The following PREX1 variants were observed in gnomAD, a reference collection of about 807,000 sequenced individuals.
PREX1 encodes phosphatidylinositol-3,4,5-trisphosphate dependent Rac exchange factor 1.
In PREX1, 41 loss-of-function variants were observed where a neutral mutation model predicts 198.3. The ratio of observed to expected loss-of-function variants is 0.21; its 90% CI spans 0.16 to 0.27. The LOEUF (loss-of-function observed/expected upper bound fraction) is 0.27. Ranked by LOEUF, PREX1 falls within the 10% of genes least tolerant of loss-of-function variation. The pLI, the probability that PREX1 is intolerant of heterozygous loss-of-function variation, is 1.00. For missense variants in PREX1, 1,620 were observed against 2,200.7 expected (o/e 0.74, Z 5.28); for synonymous variants, 843 against 887.2 (o/e 0.95, Z 0.89).
intron 1 of PREX1, among the ~76,000 whole-genome samples, chr20:48,762,301 G>A (rs2122844764): frequency 6.6e-6 from 1 of 152,270 alleles, no homozygotes; most frequent in African/African-American, 2.4e-5. Flanking sequence ...TCATCAGAGT[G>A]GGATTCTAGC....
At chr20:48,689,143 G>A (rs2089802918) in intron 9 of PREX1, among the ~76,000 whole-genome samples, 2 of 152,158 alleles carry the variant, frequency 1.3e-5, no homozygotes, top group South Asian at 4.1e-4. Flanking sequence ...CCCAACCTGA[G>A]GGTGGGTTTC....
At chr20:48,673,516 T>C (rs575416515) in intron 14 of PREX1, among the ~76,000 whole-genome samples, 2 of 152,270 alleles carry the variant, frequency 1.3e-5, no homozygotes, top group East Asian at 3.9e-4. Context: ...TTGGGAAATA[T>C]GAGGCCCCAG....
intron 1 of PREX1, among the ~76,000 whole-genome samples, chr20:48,759,883 T>C (rs2869672): frequency 0.41 from 62,468 of 151,884 alleles, 13,349 homozygotes; most frequent in Admixed American, 0.46. Context: ...GGCAGGCTGA[T>C]TGCTTGAACC....
upstream of PREX1, among the ~76,000 whole-genome samples, chr20:48,830,711 C>T (rs535404163): frequency 6.6e-5 from 10 of 152,216 alleles, no homozygotes; most frequent in Non-Finnish European, 1.5e-4. Context: ...GTAATGATGA[C>T]ACTAAAAGAT....
the PREX1 span, among the ~76,000 whole-genome samples, chr20:48,838,610 G>A: frequency 6.6e-6 from 1 of 152,146 alleles, no homozygotes; most frequent in African/African-American, 2.4e-5. Context: ...ATGATACATA[G>A]ATGAATGGGG....
At chr20:48,723,975 C>A (rs1358604758) in intron 5 of PREX1, among the ~76,000 whole-genome samples, 1 of 152,178 alleles carries the variant, frequency 6.6e-6, no homozygotes, top group African/African-American at 2.4e-5. Context: ...GCCATGGCTG[C>A]TGGTTCTTCT....
the PREX1 span, among the ~76,000 whole-genome samples, chr20:48,865,865 C>A: frequency 6.6e-6 from 1 of 152,150 alleles, no homozygotes; most frequent in Admixed American, 6.5e-5. Flanking sequence ...GGATAATGGG[C>A]TATTACCTCT....
In PREX1 at chr20:48,658,159, C is replaced by T. The variant is rs146847114; in HGVS notation, c.1951G>A (p.Val651Ile). The T allele has an allele frequency of 5.6e-5, 91 of 1,614,116 alleles. 1 individual carries two copies. The African/African-American group carries it at 8.7e-4, about 15-fold the overall frequency. ...ACCTCAGCCAGCGAGCCCCTCTGGA[C>T]GGACTTCACCACCACAGCCTTGTTC... The part of the protein sequence containing the change: ...EKNKAVVVKS[V>I]QRGSLAEVAG... The change falls in exon 17 of 40, where the codon GTC becomes ATC. Residue 651 changes from valine to isoleucine, a missense_variant. This residue lies in a region of PREX1 where 488 missense variants were observed against 802.5 expected (regional missense o/e 0.61). Transcript: ENST00000371941.
At chr20:48,838,311 C>CA in the PREX1 span, among the ~76,000 whole-genome samples, 2 of 152,168 alleles carry the variant, frequency 1.3e-5, no homozygotes, top group African/African-American at 4.8e-5. Context: ...TTTAAAGATG[C>CA]ATCAAAAACC....
chr20:48,764,781 CAAA>C (rs1182093484), intron 1 of PREX1, among the ~76,000 whole-genome samples: 4 of 81,150 alleles, frequency 4.9e-5, no homozygotes, highest in Admixed American at 1.4e-4. Context: ...GACTCTTTCT[CAAA>C]AAAAAAAAAA....
At chr20:48,646,675 C>CAAAAAAAAA (rs552888256) in intron 25 of PREX1, among the ~76,000 whole-genome samples, 1 of 82,556 alleles carries the variant, frequency 1.2e-5, no homozygotes, top group Non-Finnish European at 2.5e-5. Context: ...GAACCCATCT[C>CAAAAAAAAA]AAAAAAAAAA....
Position 48,827,613 on chromosome 20 carries a change from C to T in PREX1, c.219+29G>A. The T allele has an allele frequency of 8.0e-7, 1 of 1,252,080 alleles. No homozygotes were observed. Among genetic ancestry groups the T allele is most frequent in the Non-Finnish European group, 1.0e-6 (1 of 984,842 alleles). The allele number at this position is 1,252,080 out of a possible 1,614,324, so 77.6% of individuals were successfully genotyped here. On this transcript the variant is annotated intron_variant, in intron 1 of 39. Transcript: ENST00000371941. The surrounding 1 kb of genome is among the most constrained non-coding windows in gnomAD (Gnocchi z 4.1). ...GCGGGGCGAGCGGCTGGAGGGAAAG[C>T]TGTCCCCAAGCTCCCGAGCGACACT...
chr20:48,655,172 G>C, intron 19 of PREX1, 118 bp downstream of exon 19: 1 of 1,072,578 alleles, frequency 9.3e-7, no homozygotes, highest in South Asian at 1.6e-5. Context: ...AAGAAAATAA[G>C]TGCTGATGGT....
intron 14 of PREX1, among the ~76,000 whole-genome samples, chr20:48,671,606 TACCC>T (rs2089675771): frequency 6.6e-6 from 1 of 152,144 alleles, no homozygotes; most frequent in Non-Finnish European, 1.5e-5. Flanking sequence ...GTCCAAAAAA[TACCC>T]TCCCGCCCTA....
chr20:48,779,081 G>A (rs866013608), intron 1 of PREX1, among the ~76,000 whole-genome samples: 2 of 152,210 alleles, frequency 1.3e-5, no homozygotes, highest in Middle Eastern at 3.4e-3. Flanking sequence ...GCTACAGATG[G>A]GGAGAAAATA....
intron 16 of PREX1, 142 bp from the exon 17 acceptor site, chr20:48,658,370 A>C: frequency 1.3e-6 from 1 of 742,834 alleles, no homozygotes; most frequent in Non-Finnish European, 2.2e-6. Context: ...ACAGAGCAAA[A>C]CGCAAACAGC....
intron 1 of PREX1, among the ~76,000 whole-genome samples, chr20:48,757,067 A>G (rs2090158800): frequency 6.6e-6 from 1 of 152,120 alleles, no homozygotes; most frequent in Non-Finnish European, 1.5e-5. Context: ...ACACATGGGA[A>G]TTATGGGAGC....
At chr20:48,748,966 G>A (rs1352263531) in intron 1 of PREX1, among the ~76,000 whole-genome samples, 1 of 152,210 alleles carries the variant, frequency 6.6e-6, no homozygotes, top group East Asian at 1.9e-4. Flanking sequence ...GGGGGGACCA[G>A]GGCAGTAGGG....
Position 48,659,960 on chromosome 20 carries a change from C to T in PREX1, c.1840G>A (p.Asp614Asn), listed in dbSNP as rs1203363950. The part of the protein sequence containing the change: ...TSSKNKQLRN[D>N]FKLVENILAK... ...AGAATGTTCTCCACCAGCTTGAAGT[C>T]GTTGCGAAGCTGTTTGTTCTTGCTG... Residue 614 changes from aspartate (D) to asparagine (N), a missense_variant, in exon 16 of 40, where the codon GAC becomes AAC. Physicochemically the swap from Asp to Asn is conservative, Grantham distance 23. Around this residue, in one of 7 missense-constraint regions of PREX1, gnomAD observed 488 missense variants for 802.5 expected, o/e 0.61. Coordinates refer to ENST00000371941, the MANE Select transcript of PREX1 (RefSeq NM_020820.4). The T allele has an allele frequency of 3.7e-6, 6 of 1,614,232 alleles. No individual in the cohort carries two copies. Among genetic ancestry groups the T allele is most frequent in the East Asian group, 2.2e-5 (1 of 44,886 alleles).
Sources: allele counts gnomAD v4.1 joint callset (sites outside exome capture counted in the v4.1 genomes callset), GRCh38; gene constraint gnomAD v4.1.1; regional missense constraint gnomAD v4.1.1; non-coding constraint Gnocchi (gnomAD v3.1); transcripts MANE v1.5; gene names NCBI Gene and HGNC (gene_info 2026-07-23, HGNC 2026-07-21).